Variants in ROBO2 observed in about 807,000 individuals in gnomAD.
ROBO2 encodes the protein roundabout guidance receptor 2.
Under a neutral mutation model 160.8 loss-of-function variants are expected in ROBO2, and 53 were observed. That is an observed-to-expected ratio of 0.33 (90% confidence interval 0.26 to 0.41). ROBO2 has a LOEUF of 0.41. Ranked by LOEUF, ROBO2 falls within the 10% of genes least tolerant of loss-of-function variation. The probability of loss-of-function intolerance (pLI) is 1.00; values close to 1 mark genes in which losing one functional copy is unlikely to be tolerated. For synonymous variants in ROBO2, 664 were observed against 611.7 expected (o/e 1.09, Z -1.26); for missense variants, 1,577 against 1,722.4 (o/e 0.92, Z 1.49).
chr3:76,070,888 G>T lies in ROBO2; in HGVS notation c.109+133286G>T, dbSNP rs537162364. ...GGGCTATTGCTTTATTTGAATTTGC[G>T]ATTCTTTGAGAGTCTTAATGTCACG... On this transcript the variant is annotated intron_variant, in intron 2 of 26. Transcript: ENST00000487694. Among the ~76,000 whole-genome samples the T allele has an allele frequency of 5.3e-5, 8 of 152,212 alleles. No homozygotes were observed. In the South Asian group the frequency reaches 1.7e-3, roughly 32 times the overall value.
intron 21 of ROBO2, among the ~76,000 whole-genome samples, chr3:77,608,441 T>G (rs1356801102): frequency 6.6e-6 from 1 of 152,200 alleles, no homozygotes; most frequent in East Asian, 1.9e-4. Context: ...TCAGCTCTGA[T>G]GGGAATTTAG....
intron 2 of ROBO2, among the ~76,000 whole-genome samples, chr3:76,401,823 C>G (rs1453095468): frequency 6.6e-6 from 1 of 151,132 alleles, no homozygotes; most frequent in African/African-American, 2.4e-5. Context: ...CCTAAGGTAT[C>G]AGAACAAGCT....
intron 1 of ROBO2, among the ~76,000 whole-genome samples, chr3:77,053,880 G>A (rs752583001): frequency 1.3e-5 from 2 of 152,154 alleles, no homozygotes; most frequent in African/African-American, 2.4e-5. Flanking sequence ...AGGAGTTGGC[G>A]CAAGGAGAGA....
intron 2 of ROBO2, among the ~76,000 whole-genome samples, chr3:76,461,923 C>T (rs1348769739): frequency 1.3e-5 from 2 of 152,096 alleles, no homozygotes; most frequent in East Asian, 1.9e-4. Flanking sequence ...AAAACTTTAA[C>T]GTAAGCATAA....
At chr3:76,258,115 CCT>C (rs1169541374) in intron 2 of ROBO2, among the ~76,000 whole-genome samples, 2 of 151,850 alleles carry the variant, frequency 1.3e-5, no homozygotes, top group African/African-American at 4.8e-5. Context: ...GCAAAAGTTG[CCT>C]CTTCTTTTGT....
chr3:76,495,103 A>G (rs1393753027), intron 2 of ROBO2, among the ~76,000 whole-genome samples: 2 of 152,130 alleles, frequency 1.3e-5, no homozygotes, highest in East Asian at 3.9e-4. Flanking sequence ...CGTGTGTTTG[A>G]AGTTAACATT....
At chr3:77,248,407 G>A (rs1347936796) in intron 2 of ROBO2, among the ~76,000 whole-genome samples, 1 of 152,074 alleles carries the variant, frequency 6.6e-6, no homozygotes, top group East Asian at 1.9e-4. Context: ...CCTCCACTGA[G>A]CTGTTAACAC....
intron 2 of ROBO2, among the ~76,000 whole-genome samples, chr3:77,222,242 A>G (rs960089263): frequency 1.3e-5 from 2 of 152,148 alleles, no homozygotes; most frequent in African/African-American, 4.8e-5. Context: ...AAAAGTTGAG[A>G]TATAGATCAT....
At chr3:76,503,701 A>G (rs1173289453) in intron 2 of ROBO2, among the ~76,000 whole-genome samples, 1 of 152,218 alleles carries the variant, frequency 6.6e-6, no homozygotes, top group East Asian at 1.9e-4. Context: ...AGGCACAGAA[A>G]GAAAACTACC....
chr3:75,951,289 G>A (rs1948526226), intron 2 of ROBO2, among the ~76,000 whole-genome samples: 1 of 152,016 alleles, frequency 6.6e-6, no homozygotes, highest in East Asian at 1.9e-4. Flanking sequence ...TGTGTGTTTT[G>A]TTTGAGATTG....
At chr3:76,419,290 G>T (rs947158214) in intron 2 of ROBO2, among the ~76,000 whole-genome samples, 10 of 152,216 alleles carry the variant, frequency 6.6e-5, no homozygotes, top group African/African-American at 2.4e-4. Flanking sequence ...TGAGAGTCCA[G>T]AAAACATAAA....
chr3:77,421,578 A>G (rs1188913621), intron 2 of ROBO2, among the ~76,000 whole-genome samples: 1 of 152,128 alleles, frequency 6.6e-6, no homozygotes, highest in Admixed American at 6.6e-5. Flanking sequence ...ATTTCAGGAA[A>G]ATTCTTTATG....
intron 2 of ROBO2, among the ~76,000 whole-genome samples, chr3:77,442,260 T>C (rs1453018288): frequency 6.6e-6 from 1 of 151,118 alleles, no homozygotes; most frequent in African/African-American, 2.4e-5. Context: ...TGCAGTGAGC[T>C]GAGATCGCGC....
At chr3:76,341,209 C>T (rs1480349767) in intron 2 of ROBO2, among the ~76,000 whole-genome samples, 1 of 150,756 alleles carries the variant, frequency 6.6e-6, no homozygotes, top group Non-Finnish European at 1.5e-5. Flanking sequence ...AGAATAAACA[C>T]AAAACTTCAA....
chr3:77,143,225 G>A (rs1467924166), intron 2 of ROBO2, among the ~76,000 whole-genome samples: 1 of 114,152 alleles, frequency 8.8e-6, no homozygotes, highest in African/African-American at 3.4e-5. Context: ...TGGCTCTGTT[G>A]CCCAGGCTGG....
At chr3:77,535,549 A>G (rs2092037778) in intron 6 of ROBO2, among the ~76,000 whole-genome samples, 1 of 152,180 alleles carries the variant, frequency 6.6e-6, no homozygotes, top group South Asian at 2.1e-4. Flanking sequence ...TCATTTCTTT[A>G]CAAACAAAGA....
At chr3:76,407,748 A>C (rs903173093) in intron 2 of ROBO2, among the ~76,000 whole-genome samples, 1 of 152,008 alleles carries the variant, frequency 6.6e-6, no homozygotes, top group Admixed American at 6.6e-5. Flanking sequence ...AGGTGCACTA[A>C]ATTTTCAAAG....
At chr3:77,335,829 A>C (rs1215621928) in intron 2 of ROBO2, among the ~76,000 whole-genome samples, 4 of 152,208 alleles carry the variant, frequency 2.6e-5, no homozygotes, top group South Asian at 2.1e-4. Flanking sequence ...AGCTGACACT[A>C]CGATAGAAGA....
chr3:77,137,658 A>T (rs1405212151), intron 2 of ROBO2, among the ~76,000 whole-genome samples: 1 of 152,250 alleles, frequency 6.6e-6, no homozygotes, highest in East Asian at 1.9e-4. Flanking sequence ...ATTTCGAGGG[A>T]CATCCTCCTG....
Sources: allele counts gnomAD v4.1 joint callset (sites outside exome capture counted in the v4.1 genomes callset), GRCh38; gene constraint gnomAD v4.1.1; transcripts MANE v1.5; gene names NCBI Gene and HGNC (gene_info 2026-07-23, HGNC 2026-07-21).